The following CES4A variants were observed in gnomAD, a reference collection of about 807,000 sequenced individuals.
CES4A encodes carboxylesterase 6.
In CES4A, 48 loss-of-function variants were observed where a neutral mutation model predicts 65.4. That is an observed-to-expected ratio of 0.73 (90% confidence interval 0.58 to 0.93). CES4A has a LOEUF of 0.93. CES4A is among the 40% of genes least tolerant of loss of function. The probability of loss-of-function intolerance (pLI) is 0.00; values close to 1 mark genes in which losing one functional copy is unlikely to be tolerated. For synonymous variants in CES4A, 247 were observed against 281.8 expected (o/e 0.88, Z 1.24); for missense variants, 685 against 728.5 (o/e 0.94, Z 0.69).
At chr16:66,989,977 T>A (rs762779534) in intron 1 of CES4A, among the ~76,000 whole-genome samples, 4 of 152,182 alleles carry the variant, frequency 2.6e-5, no homozygotes, top group Non-Finnish European at 4.4e-5. Flanking sequence ...ATATATCCAT[T>A]ATTTTAAATT....
At chr16:67,007,997 G>A (rs1354837217) in intron 13 of CES4A, 3 of 152,178 alleles carry the variant, frequency 2.0e-5, no homozygotes, top group African/African-American at 7.2e-5. Flanking sequence ...ATGTTAGCCA[G>A]GATGGTCTCG....
chr16:67,002,929 C>G, intron 5 of CES4A, 141 bp from the exon 6 acceptor site: 2 of 702,082 alleles, frequency 2.8e-6, no homozygotes, highest in Non-Finnish European at 5.1e-6. Context: ...GGACATCACC[C>G]CAGGACTCCT....
chr16:67,003,873 G>A lies in CES4A; in HGVS notation c.940-211G>A, dbSNP rs1338916930. Among the ~76,000 whole-genome samples the A allele has an allele frequency of 6.6e-6, 1 of 152,146 alleles. No homozygotes were observed. Reference sequence around the variant, plus strand: ...AAGAGGTGAAGGAGTGAGCTATACAGATACCCGCGGCCATCCCAAGTCCAC... The same window carrying A: ...AAGAGGTGAAGGAGTGAGCTATACAAATACCCGCGGCCATCCCAAGTCCAC... On this transcript the variant is annotated intron_variant, in intron 8 of 13. Transcript: ENST00000648724. The surrounding 1 kb of genome is among the most constrained non-coding windows in gnomAD (Gnocchi z 4.2).
Position 67,003,360 on chromosome 16 carries a change from G to A in CES4A, c.900G>A (p.Met300Ile). 6.2e-7 allele frequency: 1 copy of A among 1,613,520 alleles called. No individual in the cohort carries two copies. The highest frequency in any genetic ancestry group is 8.5e-7 in the Non-Finnish European group (1 of 1,179,640). ...AGGTGATGCGTGTGTCCAACAAGATGGTAGGTAGAACATTCCAGCTGCCTG... is the reference window on the plus strand; with the variant it reads ...AGGTGATGCGTGTGTCCAACAAGATAGTAGGTAGAACATTCCAGCTGCCTG... The change falls in exon 7 of 14, where the codon ATG becomes ATA. Residue 300 changes from methionine to isoleucine, a missense_variant and splice_region_variant. Physicochemically the swap from Met to Ile is conservative, Grantham distance 10. Transcript: ENST00000648724. This position sits in a 1 kb window ranked among gnomAD's most constrained non-coding sequence, Gnocchi z 4.2.
chr16:66,989,651 A>C (rs1451219447), intron 1 of CES4A, among the ~76,000 whole-genome samples: 1 of 152,154 alleles, frequency 6.6e-6, no homozygotes, highest in Non-Finnish European at 1.5e-5. Context: ...TGAGGTCAGG[A>C]GTTTGAGACC....
At chr16:66,995,808 A>G in exon 2 of CES4A, 1 of 1,613,868 alleles carries the variant, frequency 6.2e-7, no homozygotes, top group Non-Finnish European at 8.5e-7. Flanking sequence ...GGAATCAGAG[A>G]TGCTACCACC....
Position 67,001,518 on chromosome 16 carries a change from A to T in CES4A, c.690+57A>T. 6.5e-7 allele frequency: 1 copy of T among 1,530,270 alleles called. No individual in the cohort carries two copies. The highest frequency in any genetic ancestry group is 2.3e-5 in the East Asian group (1 of 44,084). 94.8% of individuals were successfully genotyped at this position (1,530,270 alleles called of 1,614,324 possible). On this transcript the variant is annotated intron_variant, in intron 5 of 13. Transcript: ENST00000648724. The surrounding 1 kb of genome is among the most constrained non-coding windows in gnomAD (Gnocchi z 4.1). ...GACTTAGGCTCCTGCGTTCCCACAA[A>T]TGTATGCTCCACTGCACAGGCCATG...
chr16:67,001,017 C>T lies in CES4A; in HGVS notation c.536+27C>T. 6.5e-7 allele frequency: 1 copy of T among 1,538,822 alleles called. No homozygotes were observed. The highest frequency in any genetic ancestry group is 8.8e-7 in the Non-Finnish European group (1 of 1,132,728). On this transcript the variant is annotated intron_variant, in intron 4 of 13. Transcript: ENST00000648724. The surrounding 1 kb of genome is among the most constrained non-coding windows in gnomAD (Gnocchi z 4.1). ...TGGCGGGGCCGGTACCCTTTGGGACCGCAGCTGTGGCCAGAGCGGCGGGGA... is the reference window on the plus strand; with the variant it reads ...TGGCGGGGCCGGTACCCTTTGGGACTGCAGCTGTGGCCAGAGCGGCGGGGA...
intron 1 of CES4A, among the ~76,000 whole-genome samples, chr16:66,995,314 A>AATAC (rs1365837350): frequency 2.0e-5 from 3 of 151,180 alleles, no homozygotes; most frequent in African/African-American, 7.3e-5. Context: ...CATCTCAAAA[A>AATAC]ATAAATAAAT....
rs369191583 is a variant in CES4A at position 67,001,259 on chromosome 16, C to T, written c.537-49C>T. On this transcript the variant is annotated intron_variant, in intron 4 of 13. Coordinates refer to ENST00000648724, the Ensembl canonical transcript of CES4A. This position sits in a 1 kb window ranked among gnomAD's most constrained non-coding sequence, Gnocchi z 4.1. The stretch of plus-strand genomic sequence containing the variant: ...AAGCCCAGGAGGGCAGCCCAACGCG[C>T]CCCGACTGTCGAGGCCCGGGACCCT... The T allele has an allele frequency of 2.0e-6, 3 of 1,531,374 alleles. No individual in the cohort carries two copies. Among genetic ancestry groups the T allele is most frequent in the South Asian group, 1.2e-5 (1 of 80,144 alleles). 94.9% of individuals were successfully genotyped at this position (1,531,374 alleles called of 1,614,324 possible).
chr16:66,996,716 G>GA (rs926405296), intron 2 of CES4A, among the ~76,000 whole-genome samples: 60 of 152,278 alleles, frequency 3.9e-4, no homozygotes, highest in African/African-American at 1.3e-3. Context: ...GGTATCAGCT[G>GA]ATATAAAAAG....
At chr16:67,002,310 A>G (rs753634037) in intron 5 of CES4A, among the ~76,000 whole-genome samples, 2 of 152,138 alleles carry the variant, frequency 1.3e-5, no homozygotes, top group Non-Finnish European at 2.9e-5. Flanking sequence ...GCAAAGTGAC[A>G]TGATCAGATG....
rs769567193 is a variant in CES4A, at chr16:67,003,337, G to C, written c.877G>C (p.Val293Leu). Residue 293 changes from valine (V) to leucine (L), a missense_variant, in exon 7 of 14, where the codon GTG (valine) becomes CTG (leucine). Transcript: ENST00000648724. This position sits in a 1 kb window ranked among gnomAD's most constrained non-coding sequence, Gnocchi z 4.2. ...CCTGAGGGCACTATCAGGGACCAAG[G>C]TGATGCGTGTGTCCAACAAGATGGT... The C allele has an allele frequency of 6.2e-7, 1 of 1,613,984 alleles. No individual in the cohort carries two copies. Among genetic ancestry groups the C allele is most frequent in the South Asian group, 1.1e-5 (1 of 91,072 alleles).
intron 9 of CES4A, among the ~76,000 whole-genome samples, chr16:67,004,460 C>A (rs1965596968): frequency 6.6e-6 from 1 of 152,140 alleles, no homozygotes; most frequent in Non-Finnish European, 1.5e-5. Context: ...ACCACAAATT[C>A]TCAGATCATA....
At chr16:66,991,847 G>A (rs893112432) in intron 1 of CES4A, among the ~76,000 whole-genome samples, 1 of 152,126 alleles carries the variant, frequency 6.6e-6, no homozygotes, top group African/African-American at 2.4e-5. Flanking sequence ...GCTCATGCAT[G>A]CCTGTACTCC....
downstream of CES4A, among the ~76,000 whole-genome samples, chr16:67,010,072 T>G (rs985940569): frequency 1.9e-4 from 28 of 151,174 alleles, no homozygotes; most frequent in Admixed American, 5.9e-4. Flanking sequence ...GGGGTTTTTT[T>G]TTTTTTTTTT....
chr16:66,998,750 G>T (rs1446313986), intron 2 of CES4A, among the ~76,000 whole-genome samples: 1 of 152,056 alleles, frequency 6.6e-6, no homozygotes, highest in African/African-American at 2.4e-5. Context: ...GCCTCAGGAG[G>T]CTGAGGCAGT....
At position 67,003,048 on chromosome 16, in the gene CES4A, G is replaced by A. The variant is rs964768031; in HGVS notation, c.691-22G>A. 1.9e-6 allele frequency: 3 copies of A among 1,601,696 alleles called. No individual in the cohort carries two copies. The highest frequency in any genetic ancestry group is 2.2e-5 in the East Asian group (1 of 44,818). ...GTCTCTACTTGGGCATCTCACGGGT[G>A]TATTCCTCCCTGTTCTTGCAGATGA... On this transcript the variant is annotated intron_variant, in intron 5 of 13. Transcript: ENST00000648724. The surrounding 1 kb of genome is among the most constrained non-coding windows in gnomAD (Gnocchi z 4.2).
At chr16:67,004,736 A>G in intron 9 of CES4A, 57 bp from the exon 10 acceptor site, 1 of 1,409,710 alleles carries the variant, frequency 7.1e-7, no homozygotes, top group Non-Finnish European at 9.7e-7. Flanking sequence ...AGCTCTGGCC[A>G]GAATCCCTCC....
Sources: gnomAD v4.1 joint callset for allele counts (sites outside exome capture counted in the v4.1 genomes callset) on GRCh38, gnomAD v4.1.1 for gene constraint, Gnocchi (gnomAD v3.1) non-coding constraint, MANE v1.5 for transcripts, NCBI Gene and HGNC (gene_info 2026-07-23, HGNC 2026-07-21) for gene names.